Variants in PLCD1 observed in about 807,000 individuals in gnomAD.
PLCD1 encodes the protein phospholipase C delta 1, also known as 1-phosphatidylinositol 4,5-bisphosphate phosphodiesterase delta-1.
In PLCD1, 71 loss-of-function variants were observed where a neutral mutation model predicts 87.4. The ratio of observed to expected loss-of-function variants is 0.81; its 90% CI spans 0.67 to 0.99. PLCD1 has a LOEUF of 0.99. Among genes scored for constraint, PLCD1 ranks in the 50% least tolerant of loss-of-function variants. The pLI is 0.00. For synonymous variants in PLCD1, 348 were observed against 399.2 expected (o/e 0.87, Z 1.53); for missense variants, 867 against 1,001.5 (o/e 0.87, Z 1.81).
Position 38,017,567 on chromosome 3 carries a change from G to A in PLCD1, c.200-848C>T, listed in dbSNP as rs947636116. Among the ~76,000 whole-genome samples, 9 of 152,206 alleles carry A rather than the reference G, an allele frequency of 5.9e-5. No individual in the cohort carries two copies. Among genetic ancestry groups the A allele is most frequent in the African/African-American group, 9.6e-5 (4 of 41,542 alleles). On this transcript the variant is annotated intron_variant, in intron 2 of 14. Coordinates refer to ENST00000334661, the MANE Select transcript of PLCD1 (RefSeq NM_006225.4). This position sits in a 1 kb window ranked among gnomAD's most constrained non-coding sequence, Gnocchi z 4.7. ...GAGATGCCAGGCCCTGTCTACCCCC[G>A]CTTCCAATGTGCCCTCCATGGCCTG... is the stretch of plus-strand genomic sequence containing the variant.
rs1163659297 is a variant in PLCD1 at position 38,025,261 on chromosome 3, T to C, written c.34+4245A>G. Among the ~76,000 whole-genome samples, 1 of 152,132 alleles carries C rather than the reference T, an allele frequency of 6.6e-6. No homozygotes were observed. The highest frequency in any genetic ancestry group is 2.4e-5 in the African/African-American group (1 of 41,438). On this transcript the variant is annotated intron_variant, in intron 1 of 14. Transcript: ENST00000334661. This position sits in a 1 kb window ranked among gnomAD's most constrained non-coding sequence, Gnocchi z 4.0. ...GGCGGAGCCAGGGTCCGGGAGGCAG[T>C]GTGGGCGGGGTCTGACCAAGGAGCC...
chr3:38,027,210 C>G (rs1243004790), intron 1 of PLCD1, among the ~76,000 whole-genome samples: 3 of 152,170 alleles, frequency 2.0e-5, no homozygotes, highest in African/African-American at 7.2e-5. Context: ...AGTTCTGGCC[C>G]TATTTTCCAT....
Position 38,029,576 on chromosome 3 carries a change from A to G in PLCD1, c.-37T>C, listed in dbSNP as rs1372644989. 5 of 1,533,292 alleles carry G rather than the reference A, an allele frequency of 3.3e-6. No homozygotes were observed. Among genetic ancestry groups the G allele is most frequent in the Non-Finnish European group, 4.4e-6 (5 of 1,144,274 alleles). The allele number at this position is 1,533,292 out of a possible 1,614,324, so 95.0% of individuals were successfully genotyped here. A position where few individuals can be genotyped will look rare whatever the true frequency, so the allele number is the denominator to read the frequency against. On this transcript the variant is annotated 5_prime_UTR_variant, in exon 1 of 15. Coordinates refer to ENST00000334661, the MANE Select transcript of PLCD1 (RefSeq NM_006225.4). ...GGCGCGGCGGGAGGGGCACCGCGGG[A>G]CTCACTTGAGTAGCGACAGCACCGG...
At position 38,016,454 on chromosome 3, in the gene PLCD1, C is replaced by T. The variant is rs1342549042; in HGVS notation, c.428+37G>A. 5.5e-6 allele frequency: 8 copies of T among 1,452,550 alleles called. No individual in the cohort carries two copies. The African/African-American group carries it at 7.0e-5, about 13-fold the overall frequency. The allele number at this position is 1,452,550 out of a possible 1,614,324, so 90.0% of individuals were successfully genotyped here. On this transcript the variant is annotated intron_variant, in intron 3 of 14. Transcript: ENST00000334661. ...TGGGGATAACCACAGCCAGTGTCCA[C>T]AAGCCAGGCCTGGACCCACTGCCAC...
At position 38,007,685 on chromosome 3, in the gene PLCD1, A is replaced by T; in HGVS notation, c.*88T>A. On this transcript the variant is annotated 3_prime_UTR_variant, in exon 15 of 15. Transcript: ENST00000334661. Reference sequence around the variant, plus strand: ...ATTTGGGGGCCTAGCTCTGAGCAAGAGGCTGGGAGCAGCCACACCAGCCCT... The same window carrying T: ...ATTTGGGGGCCTAGCTCTGAGCAAGTGGCTGGGAGCAGCCACACCAGCCCT... 1 of 1,000,160 alleles carries T rather than the reference A, an allele frequency of 1.0e-6. No homozygotes were observed. Among genetic ancestry groups the T allele is most frequent in the Non-Finnish European group, 1.6e-6 (1 of 630,548 alleles). The allele number at this position is 1,000,160 out of a possible 1,614,324, so 62.0% of individuals were successfully genotyped here. A position where few individuals can be genotyped will look rare whatever the true frequency, so the allele number is the denominator to read the frequency against.
chr3:38,011,323 A>G lies in PLCD1; in HGVS notation c.681T>C (p.Thr227=). ...ACGTCACTAACTGATCCACCGACAG[A>G]GTCTCCCCTGAGCCCGCGGCCTCGG... ...TFAEAAGSGE[T]LSVDQLVTFL... The change falls in exon 5 of 15, where the codon ACT becomes ACC. Residue 227 remains threonine (T), a synonymous_variant. Coordinates refer to ENST00000334661, the MANE Select transcript of PLCD1 (RefSeq NM_006225.4). The G allele has an allele frequency of 6.2e-7, 1 of 1,612,254 alleles. No homozygotes were observed. Among genetic ancestry groups the G allele is most frequent in the Non-Finnish European group, 8.5e-7 (1 of 1,179,994 alleles).
At chr3:38,016,467 G>A (rs75159921) in intron 3 of PLCD1, 24 bp downstream of exon 3, 13 of 1,523,152 alleles carry the variant, frequency 8.5e-6, no homozygotes, top group Non-Finnish European at 9.1e-6. Context: ...GCCAGGCCTG[G>A]ACCCACTGCC....
At chr3:38,012,172 CTTTTT>C (rs924871867) in intron 3 of PLCD1, among the ~76,000 whole-genome samples, 1 of 131,948 alleles carries the variant, frequency 7.6e-6, no homozygotes, top group Non-Finnish European at 1.6e-5. Flanking sequence ...CCACGCCTGG[CTTTTT>C]TTTTTTTTTT....
chr3:38,024,437 C>T (rs769369885), intron 1 of PLCD1: 3 of 1,610,920 alleles, frequency 1.9e-6, no homozygotes, highest in East Asian at 2.2e-5. Flanking sequence ...ACTGCATGGC[C>T]CTCCACAGTG....
chr3:38,015,641 C>T (rs1195569251), intron 3 of PLCD1, among the ~76,000 whole-genome samples: 4 of 152,198 alleles, frequency 2.6e-5, no homozygotes. Flanking sequence ...GCTGGCTCCA[C>T]CCTAATCCAT....
intron 2 of PLCD1, chr3:38,019,175 C>A (rs1700198212): frequency 6.6e-6 from 1 of 152,332 alleles, no homozygotes; most frequent in Non-Finnish European, 1.5e-5. Flanking sequence ...CCCACCCACA[C>A]CTCAGCCAAT....
Position 38,011,409 on chromosome 3 carries a change from C to G in PLCD1, c.595G>C (p.Glu199Gln), listed in dbSNP as rs200571252. The G allele has an allele frequency of 6.2e-7, 1 of 1,614,082 alleles. No individual in the cohort carries two copies. The highest frequency in any genetic ancestry group is 1.7e-5 in the Admixed American group (1 of 60,036). The change falls in exon 5 of 15, where the codon GAG becomes CAG. Residue 199 changes from glutamate (E) to glutamine (Q), a missense_variant. Glu to Gln is a conservative substitution (Grantham distance 29). Coordinates refer to ENST00000334661, the MANE Select transcript of PLCD1 (RefSeq NM_006225.4). Reference sequence around the variant, plus strand: ...ATCTTGTAGAAGGCCTCAATCTCCTCGTCCTCCAGGGAGTCTGTCTGGGAG... The same window carrying G: ...ATCTTGTAGAAGGCCTCAATCTCCTGGTCCTCCAGGGAGTCTGTCTGGGAG... ...DHSQTDSLED[E>Q]EIEAFYKMLT... is the part of the protein sequence containing the mutation.
Position 38,017,003 on chromosome 3 carries a change from AAGAC to A in PLCD1, c.200-288_200-285del, listed in dbSNP as rs921685964. ...ACAGGGAGAGACAGAGAGTGAGAGA[AAGAC>A]AGACTTTAGGGCGGAAAAGGCACCT... On this transcript the variant is annotated intron_variant, in intron 2 of 14. Coordinates refer to ENST00000334661, the MANE Select transcript of PLCD1 (RefSeq NM_006225.4). The surrounding 1 kb of genome is among the most constrained non-coding windows in gnomAD (Gnocchi z 4.7). Among the ~76,000 whole-genome samples, 3 of 151,744 alleles carry A rather than the reference AAGAC, an allele frequency of 2.0e-5. No individual in the cohort carries two copies. The highest frequency in any genetic ancestry group is 7.3e-5 in the African/African-American group (3 of 41,278).
In PLCD1 at chr3:38,011,625, CTTG is replaced by C. The variant is rs777725228; in HGVS notation, c.474_476del (p.Asn158del). 2 of 1,614,190 alleles carry C rather than the reference CTTG, an allele frequency of 1.2e-6. No homozygotes were observed. The highest frequency in any genetic ancestry group is 8.5e-7 in the Non-Finnish European group (1 of 1,180,010). ...AGTTCTGCAGCTCCTTGAAGCTCATCTTGTTGTCCTTGTTTTTGTCAGCTTTTC... is the reference window on the plus strand; with the variant it reads ...AGTTCTGCAGCTCCTTGAAGCTCATCTTGTCCTTGTTTTTGTCAGCTTTTC... On this transcript the variant is annotated inframe_deletion, in exon 4 of 15. Coordinates refer to ENST00000334661, the MANE Select transcript of PLCD1 (RefSeq NM_006225.4).
chr3:38,009,335 G>C lies in PLCD1; in HGVS notation c.1543C>G (p.Gln515Glu). ...AAGGACGCCATCTCGTAGAAGGCCTGTCCAGGGGTGCCAGGACTGGAGAAG... is the reference window on the plus strand; with the variant it reads ...AAGGACGCCATCTCGTAGAAGGCCTCTCCAGGGGTGCCAGGACTGGAGAAG... ...GGFSSPGTPGQAFYEMASFSE... is the reference protein window; with the variant it reads ...GGFSSPGTPGEAFYEMASFSE... The change falls in exon 10 of 15, where the codon CAG becomes GAG. Residue 515 changes from glutamine to glutamate, a missense_variant. By Grantham distance (29) the Gln-to-Glu change is conservative. Coordinates refer to ENST00000334661, the MANE Select transcript of PLCD1 (RefSeq NM_006225.4). 2 of 1,614,216 alleles carry C rather than the reference G, an allele frequency of 1.2e-6. No individual in the cohort carries two copies. Among genetic ancestry groups the C allele is most frequent in the Non-Finnish European group, 1.7e-6 (2 of 1,180,022 alleles).
intron 1 of PLCD1, among the ~76,000 whole-genome samples, chr3:38,023,422 AGTT>A (rs999738076): frequency 1.6e-4 from 24 of 152,186 alleles, no homozygotes; most frequent in African/African-American, 5.6e-4. Flanking sequence ...CCATAATAAT[AGTT>A]AATATTTAAA....
At chr3:38,024,490 A>T (rs1380817742) in intron 1 of PLCD1, 1 of 1,566,990 alleles carries the variant, frequency 6.4e-7, no homozygotes, top group African/African-American at 1.4e-5. Flanking sequence ...TGCCGCCTCC[A>T]GTGTTTTATG....
At chr3:38,013,380 T>A (rs534193990) in intron 3 of PLCD1, among the ~76,000 whole-genome samples, 1 of 151,594 alleles carries the variant, frequency 6.6e-6, no homozygotes, top group Non-Finnish European at 1.5e-5. Context: ...GCCCGGCTAA[T>A]TTTTTGTATT....
At chr3:38,024,274 G>A (rs2125551388) in intron 1 of PLCD1, 1 of 1,456,386 alleles carries the variant, frequency 6.9e-7, no homozygotes, top group Non-Finnish European at 9.5e-7. Context: ...ACAAGTGGTC[G>A]GCGTCCTGCT....
Sources: allele counts gnomAD v4.1 joint callset (sites outside exome capture counted in the v4.1 genomes callset), GRCh38; gene constraint gnomAD v4.1.1; non-coding constraint Gnocchi (gnomAD v3.1); transcripts MANE v1.5; gene names NCBI Gene and HGNC (gene_info 2026-07-23, HGNC 2026-07-21).